ZFHX3: variants seen among roughly 807,000 people sequenced by gnomAD.
The protein encoded by ZFHX3 is zinc finger homeobox protein 3.
ZFHX3 carries 42 observed loss-of-function variants against 279.1 expected under a neutral mutation model. The ratio of observed to expected loss-of-function variants is 0.15; its 90% CI spans 0.12 to 0.19. The LOEUF is 0.19. ZFHX3 is among the 10% of genes least tolerant of loss of function. The pLI is 1.00. For missense variants in ZFHX3, 4,981 were observed against 4,754.0 expected (o/e 1.05, Z -1.40); for synonymous variants, 2,293 against 1,957.8 (o/e 1.17, Z -4.52).
At chr16:73,472,595 A>G (rs2018688871) in intron 2 of ZFHX3, among the ~76,000 whole-genome samples, 1 of 151,934 alleles carries the variant, frequency 6.6e-6, no homozygotes, top group Non-Finnish European at 1.5e-5. Context: ...CTCACCCTTC[A>G]TTTTCCCTCC....
chr16:73,810,290 T>A (rs548096206), intron 1 of ZFHX3, among the ~76,000 whole-genome samples: 1 of 152,296 alleles, frequency 6.6e-6, no homozygotes, highest in Non-Finnish European at 1.5e-5. Flanking sequence ...GGATTGTGGA[T>A]TAATCTTGGG....
chr16:73,376,846 G>C (rs2016730855), intron 3 of ZFHX3, among the ~76,000 whole-genome samples: 1 of 152,110 alleles, frequency 6.6e-6, no homozygotes, highest in Non-Finnish European at 1.5e-5. Context: ...GTTGCTCCAT[G>C]ATCTAAGACA....
intron 3 of ZFHX3, among the ~76,000 whole-genome samples, chr16:73,329,925 A>C (rs2015767264): frequency 6.6e-6 from 1 of 152,176 alleles, no homozygotes; most frequent in African/African-American, 2.4e-5. Flanking sequence ...TCCAAAACAA[A>C]CGTCCTCAGT....
Position 73,669,342 on chromosome 16 carries a change from C to T in ZFHX3, c.-1547+10838G>A, listed in dbSNP as rs971696115. Among the ~76,000 whole-genome samples the T allele has an allele frequency of 4.6e-5, 7 of 152,324 alleles. No homozygotes were observed. In the East Asian group the frequency reaches 1.2e-3, roughly 25 times the overall value. On this transcript the variant is annotated intron_variant, in intron 2 of 17. Transcript: ENST00000641206. ...GTGCTGGGATTACAGGCGTGAGCCA[C>T]CATGCCCAGCTGATCTTTGTATTTT...
chr16:73,404,076 C>A (rs2017310541), intron 3 of ZFHX3, among the ~76,000 whole-genome samples: 1 of 152,038 alleles, frequency 6.6e-6, no homozygotes, highest in Non-Finnish European at 1.5e-5. Context: ...CTTTTTGCAC[C>A]AGTGGGAACT....
At chr16:73,725,945 T>C (rs1364525406) in intron 1 of ZFHX3, among the ~76,000 whole-genome samples, 1 of 152,134 alleles carries the variant, frequency 6.6e-6, no homozygotes, top group East Asian at 1.9e-4. Flanking sequence ...ACCATTTAAT[T>C]TTTGTCCTTA....
At chr16:73,650,103 C>T (rs532367250) in intron 2 of ZFHX3, among the ~76,000 whole-genome samples, 3 of 152,226 alleles carry the variant, frequency 2.0e-5, no homozygotes, top group East Asian at 1.9e-4. Flanking sequence ...CTTAAAATGG[C>T]AGGCTCTGAT....
chr16:73,009,701 T>C (rs1484273020), intron 1 of ZFHX3, among the ~76,000 whole-genome samples: 4 of 152,100 alleles, frequency 2.6e-5, no homozygotes, highest in Non-Finnish European at 4.4e-5. Flanking sequence ...GGGCCAGCCT[T>C]TTGTACTTTA....
intron 4 of ZFHX3, among the ~76,000 whole-genome samples, chr16:72,863,340 TAAAAAAAAA>T (rs66692129): frequency 1.5e-5 from 1 of 64,624 alleles, no homozygotes; most frequent in Non-Finnish European, 2.7e-5. Flanking sequence ...TCATCTCTAC[TAAAAAAAAA>T]AAAAAAAAAA....
chr16:72,798,498 T>C lies in ZFHX3; in HGVS notation c.4184A>G (p.Asp1395Gly), dbSNP rs1337371092. Residue 1395 changes from aspartate (D) to glycine (G), a missense_variant, in exon 9 of 10, where the codon GAT (aspartate) becomes GGT (glycine). Around this residue, in one of 7 missense-constraint regions of ZFHX3, gnomAD observed 1,751 missense variants for 1,770.0 expected, o/e 0.99. Coordinates refer to ENST00000268489, the MANE Select transcript of ZFHX3 (RefSeq NM_006885.4). ...ACAGCGGTACTTGTACACATGGCGA[T>C]CTGACACCGGCAGCTGAGGCCTCTT... ...HAKRPQLPVS[D>G]RHVYKYRCNQ... 2 of 1,614,166 alleles carry C rather than the reference T, an allele frequency of 1.2e-6. No individual in the cohort carries two copies. Among genetic ancestry groups the C allele is most frequent in the South Asian group, 1.1e-5 (1 of 91,082 alleles).
At chr16:73,854,030 C>A (rs1355483963) in intron 1 of ZFHX3, among the ~76,000 whole-genome samples, 1 of 152,114 alleles carries the variant, frequency 6.6e-6, no homozygotes, top group Non-Finnish European at 1.5e-5. Flanking sequence ...TTCAGCTAAG[C>A]ACAAACAAAG....
intron 2 of ZFHX3, among the ~76,000 whole-genome samples, chr16:73,493,928 C>G (rs1030221509): frequency 6.6e-6 from 1 of 152,098 alleles, no homozygotes; most frequent in Non-Finnish European, 1.5e-5. Context: ...ATCAAGTGCA[C>G]CCTAGACTGA....
chr16:73,403,919 G>T (rs748253271), intron 3 of ZFHX3, among the ~76,000 whole-genome samples: 21 of 152,062 alleles, frequency 1.4e-4, no homozygotes, highest in Non-Finnish European at 2.5e-4. Context: ...TGGAGTCACG[G>T]ATGCTCTGTC....
chr16:72,938,456 G>A (rs543456470), intron 3 of ZFHX3, among the ~76,000 whole-genome samples: 1 of 152,342 alleles, frequency 6.6e-6, no homozygotes, highest in East Asian at 1.9e-4. Context: ...CACTCCAAGA[G>A]GAAGAAAGCA....
intron 3 of ZFHX3, among the ~76,000 whole-genome samples, chr16:72,910,315 T>C (rs967389707): frequency 6.6e-6 from 1 of 152,068 alleles, no homozygotes; most frequent in Admixed American, 6.6e-5. Flanking sequence ...AATGAGAAGG[T>C]GAAAAATCAG....
At chr16:73,422,890 G>C (rs2017743348) in intron 3 of ZFHX3, among the ~76,000 whole-genome samples, 1 of 152,198 alleles carries the variant, frequency 6.6e-6, no homozygotes, top group Non-Finnish European at 1.5e-5. Context: ...CATTTTCTCT[G>C]TGAGAAAGAA....
At chr16:72,960,310 T>G in intron 1 of ZFHX3, 116 bp from the exon 2 acceptor site, 1 of 733,396 alleles carries the variant, frequency 1.4e-6, no homozygotes, top group Non-Finnish European at 2.0e-6. Context: ...AAGAGGCTTC[T>G]GTCCACAACA....
intron 5 of ZFHX3, among the ~76,000 whole-genome samples, chr16:73,215,971 G>A (rs1331040999): frequency 2.0e-5 from 3 of 152,088 alleles, no homozygotes; most frequent in Admixed American, 1.3e-4. Flanking sequence ...ATACTCAGAT[G>A]ATCTCACATG....
At chr16:73,743,311 G>A (rs1317646353) in intron 1 of ZFHX3, among the ~76,000 whole-genome samples, 1 of 152,140 alleles carries the variant, frequency 6.6e-6, no homozygotes, top group Non-Finnish European at 1.5e-5. Context: ...TTCCACAGTT[G>A]ATTTCATCAA....
Sources: gnomAD v4.1 joint callset for allele counts (sites outside exome capture counted in the v4.1 genomes callset) on GRCh38, gnomAD v4.1.1 for gene constraint, gnomAD v4.1.1 regional missense constraint, MANE v1.5 for transcripts, NCBI Gene and HGNC (gene_info 2026-07-23, HGNC 2026-07-21) for gene names.